DCC: variants seen among roughly 807,000 people sequenced by gnomAD.
DCC encodes the protein netrin receptor DCC.
A neutral mutation model predicts 172.5 loss-of-function variants in DCC; 58 were observed. That is an observed-to-expected ratio of 0.34 (90% CI 0.27 to 0.42). DCC has a LOEUF of 0.42. DCC is among the 10% of genes least tolerant of loss of function. The pLI is 1.00. For synonymous variants in DCC, 709 were observed against 644.5 expected, an observed-to-expected ratio of 1.10 and a Z score of -1.52; for missense variants, 1,740 against 1,791.0, an observed-to-expected ratio of 0.97 and a Z score of 0.51.
chr18:53,387,747 T>C (rs935736144), intron 16 of DCC, among the ~76,000 whole-genome samples: 1 of 152,198 alleles, frequency 6.6e-6, no homozygotes, highest in East Asian at 1.9e-4. Context: ...GTCCTGCCTA[T>C]GGTAAAAGAT....
intron 2 of DCC, among the ~76,000 whole-genome samples, chr18:52,765,024 T>C (rs2037221833): frequency 1.4e-5 from 2 of 142,430 alleles, no homozygotes; most frequent in South Asian, 4.2e-4. Flanking sequence ...TTTTCTTTTC[T>C]TTTTTTTCTT....
chr18:52,449,473 G>A (rs115179490), intron 1 of DCC, among the ~76,000 whole-genome samples: 1 of 152,324 alleles, frequency 6.6e-6, no homozygotes, highest in African/African-American at 2.4e-5. Flanking sequence ...TTTAGTGTAG[G>A]CAAATTCTGA....
chr18:52,610,076 T>G, intron 1 of DCC, among the ~76,000 whole-genome samples: 1 of 143,936 alleles, frequency 6.9e-6, no homozygotes. Context: ...CATTTTGGGA[T>G]GCTGAGGCGG....
At chr18:52,578,349 G>T (rs1002975940) in intron 1 of DCC, among the ~76,000 whole-genome samples, 23 of 152,252 alleles carry the variant, frequency 1.5e-4, no homozygotes, top group Admixed American at 2.6e-4. Context: ...CTTATATTTT[G>T]CCCACATGTA....
chr18:52,837,706 C>A (rs2038731008), intron 2 of DCC, among the ~76,000 whole-genome samples: 1 of 152,202 alleles, frequency 6.6e-6, no homozygotes, highest in African/African-American at 2.4e-5. Flanking sequence ...CTGCCTCTTA[C>A]CCAGTTCTAA....
intron 1 of DCC, among the ~76,000 whole-genome samples, chr18:52,731,783 T>C (rs1479378032): frequency 6.6e-6 from 1 of 152,190 alleles, no homozygotes; most frequent in Non-Finnish European, 1.5e-5. Flanking sequence ...TTTCCTAATA[T>C]ATTAATATAT....
At chr18:53,509,013 TTC>T (rs1294095265) in intron 27 of DCC, among the ~76,000 whole-genome samples, 2 of 152,210 alleles carry the variant, frequency 1.3e-5, no homozygotes, top group African/African-American at 4.8e-5. Context: ...ACCTGGCTTC[TTC>T]TCTCTCATAA....
chr18:52,499,839 A>G (rs2030950151), intron 1 of DCC, among the ~76,000 whole-genome samples: 1 of 152,138 alleles, frequency 6.6e-6, no homozygotes, highest in Non-Finnish European at 1.5e-5. Context: ...GTGCAAACAG[A>G]TGGGGACTCG....
chr18:52,701,785 CTGTGCTAT>C (rs1244557943), intron 1 of DCC, among the ~76,000 whole-genome samples: 1 of 152,186 alleles, frequency 6.6e-6, no homozygotes, highest in Non-Finnish European at 1.5e-5. Context: ...GATGTTCTCA[CTGTGCTAT>C]TGTACACCCT....
At chr18:52,721,115 G>T (rs2036467372) in intron 1 of DCC, among the ~76,000 whole-genome samples, 1 of 152,150 alleles carries the variant, frequency 6.6e-6, no homozygotes, top group African/African-American at 2.4e-5. Context: ...GTGGGCTGGG[G>T]CAGAGAAGGC....
chr18:53,156,001 A>G (rs2054727446), intron 7 of DCC, among the ~76,000 whole-genome samples: 1 of 152,154 alleles, frequency 6.6e-6, no homozygotes, highest in African/African-American at 2.4e-5. Flanking sequence ...TTTTGTGATA[A>G]CTTTTTGGTT....
chr18:52,990,488 C>T (rs1176329426), intron 5 of DCC, among the ~76,000 whole-genome samples: 2 of 128,100 alleles, frequency 1.6e-5, no homozygotes, highest in African/African-American at 2.9e-5. Flanking sequence ...TATGGTGAAC[C>T]GAGATTGCAA....
chr18:52,583,230 TAC>T (rs1326913271), intron 1 of DCC, among the ~76,000 whole-genome samples: 1 of 152,196 alleles, frequency 6.6e-6, no homozygotes, highest in Non-Finnish European at 1.5e-5. Flanking sequence ...GTAAGATAGG[TAC>T]TCTGTAAATA....
intron 2 of DCC, among the ~76,000 whole-genome samples, chr18:52,844,670 T>A (rs1455833546): frequency 6.6e-6 from 1 of 152,098 alleles, no homozygotes; most frequent in African/African-American, 2.4e-5. Context: ...GTGACACAAA[T>A]ACATATGAAC....
At chr18:53,028,651 C>T (rs923375209) in intron 5 of DCC, among the ~76,000 whole-genome samples, 1 of 152,100 alleles carries the variant, frequency 6.6e-6, no homozygotes, top group Non-Finnish European at 1.5e-5. Context: ...AAACATTTCT[C>T]ATTGCAGTTT....
chr18:52,482,616 T>A (rs937267980), intron 1 of DCC, among the ~76,000 whole-genome samples: 7 of 152,142 alleles, frequency 4.6e-5, no homozygotes, highest in Admixed American at 3.9e-4. Flanking sequence ...GGACACTAAT[T>A]CCATTTATGA....
intron 1 of DCC, among the ~76,000 whole-genome samples, chr18:52,348,380 G>A (rs1005487790): frequency 1.3e-5 from 2 of 152,128 alleles, no homozygotes; most frequent in Admixed American, 6.6e-5. Flanking sequence ...CTTTTCATCC[G>A]GGAGGCAAAG....
chr18:52,508,326 T>G (rs2031312109), intron 1 of DCC, among the ~76,000 whole-genome samples: 1 of 152,166 alleles, frequency 6.6e-6, no homozygotes, highest in African/African-American at 2.4e-5. Flanking sequence ...ATACATTTTA[T>G]CATTAATACA....
At chr18:52,620,507 G>A (rs1598963199) in intron 1 of DCC, among the ~76,000 whole-genome samples, 1 of 152,200 alleles carries the variant, frequency 6.6e-6, no homozygotes. Flanking sequence ...CCCATTTAAA[G>A]TTGTATATAG....
Sources: gnomAD v4.1 joint callset for allele counts (sites outside exome capture counted in the v4.1 genomes callset) on GRCh38, gnomAD v4.1.1 for gene constraint, MANE v1.5 for transcripts, NCBI Gene and HGNC (gene_info 2026-07-23, HGNC 2026-07-21) for gene names.